Variants in DMGDH observed in about 807,000 individuals in gnomAD.
DMGDH encodes dimethylglycine dehydrogenase, also known as dimethylglycine dehydrogenase, mitochondrial.
Under a neutral mutation model 95.2 loss-of-function variants are expected in DMGDH, and 76 were observed. That is an observed-to-expected ratio of 0.80 (90% confidence interval 0.66 to 0.97). The LOEUF is 0.97. Among genes scored for constraint, DMGDH ranks in the 50% least tolerant of loss-of-function variants. DMGDH has a pLI of 0.00. For synonymous variants in DMGDH, 345 were observed against 377.6 expected, an observed-to-expected ratio of 0.91 and a Z score of 1.00; for missense variants, 987 against 1,055.0, an observed-to-expected ratio of 0.94 and a Z score of 0.89.
In DMGDH at chr5:79,026,541, A is replaced by G. The variant is rs1561213670; in HGVS notation, c.2073T>C (p.Ser691=). The change falls in exon 13 of 16, where the codon TCT becomes TCC. Residue 691 remains serine, a synonymous_variant. Coordinates refer to ENST00000255189, the MANE Select transcript of DMGDH (RefSeq NM_013391.3). ...TCATGATAGCGTCATACAGCGCCAC[A>G]GAATCTTCTCTTCTGTGATACAGCT... ...GWELYHRRED[S]VALYDAIMNA... is the part of the protein sequence containing the mutation. 1 of 1,614,174 alleles carries G rather than the reference A, an allele frequency of 6.2e-7. No individual in the cohort carries two copies. Among genetic ancestry groups the G allele is most frequent in the South Asian group, 1.1e-5 (1 of 91,082 alleles).
At chr5:79,003,772 C>A (rs1439627221) in intron 15 of DMGDH, among the ~76,000 whole-genome samples, 1 of 152,062 alleles carries the variant, frequency 6.6e-6, no homozygotes. Flanking sequence ...CGTGGAGAAA[C>A]CCCATCTCTA....
rs1048777091 is a variant in DMGDH at position 79,008,377 on chromosome 5, C to T, written c.2251-2970G>A. On this transcript the variant is annotated intron_variant, in intron 14 of 15. Coordinates refer to ENST00000255189, the MANE Select transcript of DMGDH (RefSeq NM_013391.3). ...TTATAATCTGATCTACACAAAAACA[C>T]CCCACAGATACTGGATTTGGAGTCC... Among the ~76,000 whole-genome samples, 61 of 152,162 alleles carry T rather than the reference C, an allele frequency of 4.0e-4. 1 individual carries two copies. The highest frequency in any genetic ancestry group is 7.3e-5 in the Non-Finnish European group (5 of 68,030).
chr5:79,014,127 A>G (rs556560475), intron 14 of DMGDH, among the ~76,000 whole-genome samples: 2 of 152,234 alleles, frequency 1.3e-5, no homozygotes, highest in Non-Finnish European at 2.9e-5. Context: ...CTAGAACAGG[A>G]ACCATAGTCA....
chr5:79,064,669 T>A (rs754781690), intron 1 of DMGDH, among the ~76,000 whole-genome samples: 5 of 152,162 alleles, frequency 3.3e-5, no homozygotes, highest in African/African-American at 4.8e-5. Flanking sequence ...ATTCTACAGC[T>A]ATATAGAAAT....
At chr5:79,063,300 A>G (rs978462515) in intron 2 of DMGDH, among the ~76,000 whole-genome samples, 1 of 152,088 alleles carries the variant, frequency 6.6e-6, no homozygotes, top group African/African-American at 2.4e-5. Flanking sequence ...TCACAATCCT[A>G]TTAGGTAAGT....
Position 79,006,850 on chromosome 5 carries a change from C to CGCCCCCG in DMGDH, c.2251-1444_2251-1443insCGGGGGC, listed in dbSNP as rs1554033740. On this transcript the variant is annotated intron_variant, in intron 14 of 15. Coordinates refer to ENST00000255189, the MANE Select transcript of DMGDH (RefSeq NM_013391.3). Reference sequence around the variant, plus strand: ...CTCACACACCCTCACCTGAGACCCCCCCAGTCCATTCCTTTCCTAGTTTAG... The same window carrying CGCCCCCG: ...CTCACACACCCTCACCTGAGACCCCCGCCCCCGCCAGTCCATTCCTTTCCTAGTTTAG... Among the ~76,000 whole-genome samples the CGCCCCCG allele has an allele frequency of 4.7e-5, 7 of 147,672 alleles. 1 individual carries two copies. Among genetic ancestry groups the CGCCCCCG allele is most frequent in the South Asian group, 4.3e-4 (2 of 4,628 alleles).
intron 7 of DMGDH, among the ~76,000 whole-genome samples, chr5:79,036,187 G>T (rs1754343039): frequency 6.6e-6 from 1 of 152,198 alleles, no homozygotes; most frequent in South Asian, 2.1e-4. Context: ...TAGTGGGCAA[G>T]GAATACATGG....
At chr5:79,063,883 A>G in intron 1 of DMGDH, 96 bp from the exon 2 acceptor site, 1 of 1,236,092 alleles carries the variant, frequency 8.1e-7, no homozygotes. Flanking sequence ...TCTAGTACTT[A>G]ACACCCACTG....
At chr5:79,066,671 T>C (rs61048948) in intron 1 of DMGDH, among the ~76,000 whole-genome samples, 13,664 of 152,186 alleles carry the variant, frequency 0.09, 685 homozygotes, top group Middle Eastern at 0.12. Context: ...ACTTATGTTA[T>C]GCATTTTTGG....
intron 14 of DMGDH, among the ~76,000 whole-genome samples, chr5:79,008,203 C>G (rs939466413): frequency 6.6e-6 from 1 of 152,086 alleles, no homozygotes; most frequent in African/African-American, 2.4e-5. Flanking sequence ...GAGGTATGGA[C>G]AGTGGGGGCC....
chr5:79,006,644 G>A (rs1433126577), intron 14 of DMGDH, among the ~76,000 whole-genome samples: 1 of 152,150 alleles, frequency 6.6e-6, no homozygotes, highest in Non-Finnish European at 1.5e-5. Context: ...CTCTCTGAAC[G>A]CAAAGAAAGG....
chr5:79,068,968 T>C (rs1449424372), intron 1 of DMGDH, among the ~76,000 whole-genome samples: 1 of 152,238 alleles, frequency 6.6e-6, no homozygotes, highest in South Asian at 2.1e-4. Flanking sequence ...CCTAACAAGT[T>C]CACCTTTAAA....
chr5:79,014,269 T>C (rs1219780296), intron 14 of DMGDH, among the ~76,000 whole-genome samples: 1 of 152,226 alleles, frequency 6.6e-6, no homozygotes, highest in African/African-American at 2.4e-5. Flanking sequence ...TTACATGTCT[T>C]TAATATTAAA....
chr5:79,042,594 C>G (rs1359200406), intron 6 of DMGDH, 113 bp from the exon 7 acceptor site: 2 of 999,978 alleles, frequency 2.0e-6, no homozygotes, highest in Admixed American at 1.8e-5. Context: ...TAGGAAAGTA[C>G]TGCCATTTTT....
chr5:79,000,280 A>T (rs902748602), intron 15 of DMGDH: 1 of 657,332 alleles, frequency 1.5e-6, no homozygotes, highest in African/African-American at 1.8e-5. Context: ...TAAAATCTCC[A>T]TGAGATGAAG....
At chr5:79,052,111 T>C (rs894981545) in intron 4 of DMGDH, among the ~76,000 whole-genome samples, 6 of 152,262 alleles carry the variant, frequency 3.9e-5, no homozygotes, top group Non-Finnish European at 8.8e-5. Context: ...TATTGTTACA[T>C]TGATTAATTT....
intron 12 of DMGDH, among the ~76,000 whole-genome samples, chr5:79,026,967 T>G (rs536074681): frequency 6.6e-6 from 1 of 152,236 alleles, no homozygotes; most frequent in African/African-American, 2.4e-5. Flanking sequence ...GAGTTCAAGG[T>G]TTAAACCAAC....
At chr5:78,999,058 A>T (rs761950024) in intron 15 of DMGDH, among the ~76,000 whole-genome samples, 26 of 152,212 alleles carry the variant, frequency 1.7e-4, no homozygotes, top group Non-Finnish European at 3.7e-4. Flanking sequence ...TGGCCACACA[A>T]CATTGCACTA....
chr5:79,036,917 T>A (rs1754362171), intron 7 of DMGDH, among the ~76,000 whole-genome samples: 1 of 152,062 alleles, frequency 6.6e-6, no homozygotes, highest in Non-Finnish European at 1.5e-5. Flanking sequence ...CTAAATACTT[T>A]GGGAAGTACT....
Sources: gnomAD v4.1 joint callset for allele counts (sites outside exome capture counted in the v4.1 genomes callset) on GRCh38, gnomAD v4.1.1 for gene constraint, MANE v1.5 for transcripts, NCBI Gene and HGNC (gene_info 2026-07-23, HGNC 2026-07-21) for gene names.